Variants in GARRE1 observed in about 807,000 individuals in gnomAD.
GARRE1 encodes granule associated Rac and RHOG effector 1.
In GARRE1, 49 loss-of-function variants were observed where a neutral mutation model predicts 103.2. The observed-to-expected ratio is 0.47, with a 90% confidence interval of 0.38 to 0.60. The LOEUF is 0.60. Among genes scored for constraint, GARRE1 ranks in the 20% least tolerant of loss-of-function variants. The probability of loss-of-function intolerance (pLI) is 0.00; values close to 1 mark genes in which losing one functional copy is unlikely to be tolerated. For missense variants in GARRE1, 1,199 were observed against 1,370.5 expected (o/e 0.87, Z 1.98); for synonymous variants, 505 against 532.8 (o/e 0.95, Z 0.72).
intron 2 of GARRE1, among the ~76,000 whole-genome samples, chr19:34,319,640 G>A (rs1018932092): frequency 2.0e-5 from 3 of 152,056 alleles, no homozygotes; most frequent in Non-Finnish European, 2.9e-5. Flanking sequence ...ACAGGATTGG[G>A]GGTTACTTGG....
At chr19:34,296,254 T>A (rs2073946755) in intron 1 of GARRE1, 2 of 647,356 alleles carry the variant, frequency 3.1e-6, no homozygotes. Flanking sequence ...CCTTCTGTTC[T>A]CACATTTGTA....
chr19:34,342,562 T>A, intron 10 of GARRE1, 107 bp downstream of exon 10: 1 of 1,034,632 alleles, frequency 9.7e-7, no homozygotes, highest in Non-Finnish European at 1.4e-6. Context: ...TGAAATCATT[T>A]AATCCCCCTT....
chr19:34,319,892 G>A lies in GARRE1; in HGVS notation c.496-15G>A. The A allele has an allele frequency of 6.2e-7, 1 of 1,612,998 alleles. No individual in the cohort carries two copies. The highest frequency in any genetic ancestry group is 8.5e-7 in the Non-Finnish European group (1 of 1,178,922). On this transcript the variant is annotated splice_polypyrimidine_tract_variant and intron_variant, in intron 2 of 13. Transcript: ENST00000299505. ...ACCCACAACCTAAACATCCCTGGCT[G>A]TCTTGTTTTCACAGGTGTTGGGGCG...
At chr19:34,258,647 G>A (rs989169586) in intron 1 of GARRE1, among the ~76,000 whole-genome samples, 3 of 152,022 alleles carry the variant, frequency 2.0e-5, no homozygotes, top group Non-Finnish European at 4.4e-5. Flanking sequence ...AAAATTAGCC[G>A]GACATGGCGA....
chr19:34,264,096 A>C (rs1370344573), intron 1 of GARRE1, among the ~76,000 whole-genome samples: 2 of 152,124 alleles, frequency 1.3e-5, no homozygotes, highest in South Asian at 2.1e-4. Flanking sequence ...CGTAAGTGTA[A>C]AGATGTGTCC....
intron 10 of GARRE1, among the ~76,000 whole-genome samples, chr19:34,345,477 G>A (rs992636379): frequency 1.1e-4 from 17 of 152,194 alleles, no homozygotes; most frequent in African/African-American, 4.1e-4. Flanking sequence ...TACATTTTTT[G>A]ACTGTCATAT....
chr19:34,340,719 C>T (rs560766409), intron 9 of GARRE1, among the ~76,000 whole-genome samples: 54 of 152,254 alleles, frequency 3.5e-4, no homozygotes, highest in African/African-American at 1.2e-3. Context: ...GATGGGGTTT[C>T]GCTGTGTTGG....
At chr19:34,320,751 T>C (rs892271730) in intron 3 of GARRE1, among the ~76,000 whole-genome samples, 1 of 151,262 alleles carries the variant, frequency 6.6e-6, no homozygotes, top group African/African-American at 2.4e-5. Context: ...AGACAGGGTC[T>C]TGCTCTGTTG....
Position 34,327,472 on chromosome 19 carries a change from G to C in GARRE1, c.757G>C (p.Glu253Gln). The change falls in exon 4 of 14, where the codon GAA becomes CAA. Residue 253 changes from glutamate (E) to glutamine (Q), a missense_variant. Transcript: ENST00000299505. ...RGCDGCLAGI[E>Q]VQQLFCSQSA... ...CTGTGATGGTTGCCTGGCAGGAATTGAAGTTCAACAACTCTTTTGTTCTCA... is the reference window on the plus strand; with the variant it reads ...CTGTGATGGTTGCCTGGCAGGAATTCAAGTTCAACAACTCTTTTGTTCTCA... The C allele has an allele frequency of 1.2e-6, 2 of 1,614,108 alleles. No homozygotes were observed. Among genetic ancestry groups the C allele is most frequent in the Non-Finnish European group, 1.7e-6 (2 of 1,180,000 alleles).
chr19:34,284,363 G>C lies in GARRE1; in HGVS notation c.-795-15316G>C, dbSNP rs1277286127. ...TGGTCTCAAACTCCTGGCCTCAAGTGATCTGCCCGTCTCAGCCTCCCAAAG... is the reference window on the plus strand; with the variant it reads ...TGGTCTCAAACTCCTGGCCTCAAGTCATCTGCCCGTCTCAGCCTCCCAAAG... On this transcript the variant is annotated intron_variant, in intron 1 of 13. Transcript: ENST00000299505. Among the ~76,000 whole-genome samples, 4 of 152,028 alleles carry C rather than the reference G, an allele frequency of 2.6e-5. No homozygotes were observed. The South Asian group carries it at 8.3e-4, about 32-fold the overall frequency.
chr19:34,301,690 T>C (rs1027693953), intron 2 of GARRE1, among the ~76,000 whole-genome samples: 1 of 151,282 alleles, frequency 6.6e-6, no homozygotes, highest in Non-Finnish European at 1.5e-5. Flanking sequence ...GTGGATTTTT[T>C]TTTTTTTTTT....
chr19:34,352,077 G>A (rs1381124849), intron 13 of GARRE1, among the ~76,000 whole-genome samples: 1 of 152,026 alleles, frequency 6.6e-6, no homozygotes, highest in Non-Finnish European at 1.5e-5. Context: ...CAGCCTGGGT[G>A]ACAGAGCGAG....
chr19:34,294,386 A>G lies in GARRE1; in HGVS notation c.-795-5293A>G, dbSNP rs528350692. Reference sequence around the variant, plus strand: ...TGCAATGAGCCATGATTGTATGACTATACTCCAGTTTGGGTGACAGAGAGA... The same window carrying G: ...TGCAATGAGCCATGATTGTATGACTGTACTCCAGTTTGGGTGACAGAGAGA... On this transcript the variant is annotated intron_variant, in intron 1 of 13. Coordinates refer to ENST00000299505, the MANE Select transcript of GARRE1 (RefSeq NM_014686.5). 9.2e-5 allele frequency among the ~76,000 whole-genome samples: 14 copies of G among 151,984 alleles called. No individual in the cohort carries two copies. The South Asian group carries it at 2.5e-3, about 27-fold the overall frequency.
At chr19:34,273,364 G>T (rs528603934) in intron 1 of GARRE1, among the ~76,000 whole-genome samples, 2 of 152,100 alleles carry the variant, frequency 1.3e-5, no homozygotes, top group African/African-American at 4.8e-5. Flanking sequence ...ATTTCTTTGG[G>T]GAGTACTTAT....
chr19:34,278,038 C>T (rs2145219317), intron 1 of GARRE1, among the ~76,000 whole-genome samples: 1 of 151,798 alleles, frequency 6.6e-6, no homozygotes, highest in Middle Eastern at 3.4e-3. Flanking sequence ...ATGCATAACA[C>T]AAAATTTACA....
At chr19:34,309,812 A>C (rs540732491) in intron 2 of GARRE1, among the ~76,000 whole-genome samples, 6 of 152,350 alleles carry the variant, frequency 3.9e-5, no homozygotes, top group African/African-American at 1.2e-4. Context: ...GGCTTTTCGC[A>C]TGTGAAGTGG....
At chr19:34,294,301 G>A (rs2073935009) in intron 1 of GARRE1, among the ~76,000 whole-genome samples, 1 of 151,678 alleles carries the variant, frequency 6.6e-6, no homozygotes. Context: ...GTGCATGCCT[G>A]AGGTCCTGGC....
chr19:34,292,335 C>T (rs925353246), intron 1 of GARRE1, among the ~76,000 whole-genome samples: 13 of 152,264 alleles, frequency 8.5e-5, no homozygotes, highest in African/African-American at 3.1e-4. Context: ...AATAAATAAT[C>T]CATTATATGT....
At chr19:34,297,606 G>A (rs2073954133) in intron 1 of GARRE1, among the ~76,000 whole-genome samples, 1 of 152,186 alleles carries the variant, frequency 6.6e-6, no homozygotes, top group African/African-American at 2.4e-5. Context: ...GCCAACTCAG[G>A]TGAAGGTTTT....
Sources: allele counts gnomAD v4.1 joint callset (sites outside exome capture counted in the v4.1 genomes callset), GRCh38; gene constraint gnomAD v4.1.1; transcripts MANE v1.5; gene names NCBI Gene and HGNC (gene_info 2026-07-23, HGNC 2026-07-21).